The following CSMD3 variants were observed in gnomAD, a reference collection of about 807,000 sequenced individuals.
The protein encoded by CSMD3 is CUB and sushi domain-containing protein 3.
In CSMD3, 177 loss-of-function variants were observed where a neutral mutation model predicts 435.2. That is an observed-to-expected ratio of 0.41 (90% CI 0.36 to 0.46). The LOEUF (loss-of-function observed/expected upper bound fraction) is 0.46. Among genes scored for constraint, CSMD3 ranks in the 20% least tolerant of loss-of-function variants. The probability of loss-of-function intolerance (pLI) is 0.34; values close to 1 mark genes in which losing one functional copy is unlikely to be tolerated. For missense variants in CSMD3, 4,265 were observed against 4,504.6 expected (o/e 0.95, Z 1.52); for synonymous variants, 1,656 against 1,520.5 (o/e 1.09, Z -2.07).
chr8:113,379,335 A>G (rs1173148442), intron 1 of CSMD3, among the ~76,000 whole-genome samples: 1 of 152,226 alleles, frequency 6.6e-6, no homozygotes, highest in Non-Finnish European at 1.5e-5. Context: ...TGGATAACAT[A>G]ATAGTATAAA....
intron 1 of CSMD3, among the ~76,000 whole-genome samples, chr8:113,420,047 G>C (rs1370855993): frequency 6.6e-6 from 1 of 152,084 alleles, no homozygotes; most frequent in Non-Finnish European, 1.5e-5. Context: ...ATAAATTGAA[G>C]ATCTCAAATA....
chr8:112,690,325 T>C (rs1399902998), intron 13 of CSMD3, among the ~76,000 whole-genome samples: 2 of 151,988 alleles, frequency 1.3e-5, no homozygotes, highest in African/African-American at 4.8e-5. Flanking sequence ...AGAAAAATTA[T>C]GATAAGATCT....
At chr8:112,916,784 G>A (rs1424644455) in intron 10 of CSMD3, among the ~76,000 whole-genome samples, 1 of 151,844 alleles carries the variant, frequency 6.6e-6, no homozygotes, top group African/African-American at 2.4e-5. Flanking sequence ...TTCTCAAACT[G>A]TTGGTTACAA....
rs2094062579 is a variant in CSMD3, at chr8:113,335,206, C to T, written c.179-20413G>A. Among the ~76,000 whole-genome samples, 3 of 152,050 alleles carry T rather than the reference C, an allele frequency of 2.0e-5. 1 individual carries two copies. Among genetic ancestry groups the T allele is most frequent in the Admixed American group, 2.0e-4 (3 of 15,224 alleles). ...CACCATGATTTTAAGTTTCCTGAGGCCTCCCAGAAGCTGATGCTGCCGTAC... is the reference window on the plus strand; with the variant it reads ...CACCATGATTTTAAGTTTCCTGAGGTCTCCCAGAAGCTGATGCTGCCGTAC... On this transcript the variant is annotated intron_variant, in intron 1 of 70. Transcript: ENST00000297405.
At chr8:112,518,627 TGTGAGAGAGAGA>T (rs927291659) in intron 27 of CSMD3, among the ~76,000 whole-genome samples, 1 of 132,936 alleles carries the variant, frequency 7.5e-6, no homozygotes, top group Non-Finnish European at 1.6e-5. Context: ...TGTGTGTGTG[TGTGAGAGAGAGA>T]GAGAGAGAGA....
intron 10 of CSMD3, among the ~76,000 whole-genome samples, chr8:112,911,152 T>C (rs55883756): frequency 0.26 from 39,846 of 151,808 alleles, 5,490 homozygotes; most frequent in East Asian, 0.41. Context: ...TATTACTTTT[T>C]ACCTAAATTA....
At chr8:113,167,081 C>T (rs887414223) in intron 4 of CSMD3, among the ~76,000 whole-genome samples, 1 of 151,890 alleles carries the variant, frequency 6.6e-6, no homozygotes, top group African/African-American at 2.4e-5. Flanking sequence ...CAAACCAAGG[C>T]TTTTATTAGT....
chr8:112,738,061 C>T (rs1158334941), intron 13 of CSMD3, among the ~76,000 whole-genome samples: 1 of 151,688 alleles, frequency 6.6e-6, no homozygotes, highest in Non-Finnish European at 1.5e-5. Context: ...CATGTAAGCA[C>T]ACAGTGATAA....
intron 5 of CSMD3, among the ~76,000 whole-genome samples, chr8:113,029,786 C>A (rs889260561): frequency 5.9e-5 from 9 of 151,322 alleles, no homozygotes; most frequent in Admixed American, 4.6e-4. Context: ...AGCAATCAGA[C>A]AAGAGAAAGA....
At chr8:112,431,545 C>T (rs951823963) in intron 32 of CSMD3, among the ~76,000 whole-genome samples, 1 of 152,004 alleles carries the variant, frequency 6.6e-6, no homozygotes, top group Non-Finnish European at 1.5e-5. Flanking sequence ...AGGTATGGTG[C>T]GTGTCTACTG....
chr8:113,414,431 C>T lies in CSMD3; in HGVS notation c.178+22246G>A, dbSNP rs547477553. Among the ~76,000 whole-genome samples, 4 of 152,098 alleles carry T rather than the reference C, an allele frequency of 2.6e-5. No homozygotes were observed. The East Asian group carries it at 7.7e-4, about 29-fold the overall frequency. ...TAAACTTATGATTGATCTAGTCATT[C>T]TCAATGGAACGATACAGCCTGAATT... On this transcript the variant is annotated intron_variant, in intron 1 of 70. Coordinates refer to ENST00000297405, the MANE Select transcript of CSMD3 (RefSeq NM_198123.2).
At chr8:112,312,285 G>A (rs574787340) in intron 49 of CSMD3, among the ~76,000 whole-genome samples, 3 of 152,004 alleles carry the variant, frequency 2.0e-5, no homozygotes, top group Admixed American at 6.6e-5. Context: ...AAGAAGTTTC[G>A]CTCTTGTTGC....
intron 2 of CSMD3, chr8:113,309,645 A>G (rs1354830283): frequency 2.0e-5 from 3 of 152,216 alleles, no homozygotes; most frequent in Non-Finnish European, 4.4e-5. Context: ...AGTCATTACT[A>G]CACCATGACT....
At chr8:112,349,524 T>C (rs1353871690) in intron 40 of CSMD3, among the ~76,000 whole-genome samples, 2 of 152,074 alleles carry the variant, frequency 1.3e-5, no homozygotes, top group African/African-American at 2.4e-5. Context: ...AAAACATATT[T>C]ATTTTACTCT....
At chr8:113,335,729 A>G (rs2094069107) in intron 1 of CSMD3, among the ~76,000 whole-genome samples, 2 of 151,498 alleles carry the variant, frequency 1.3e-5, no homozygotes, top group African/African-American at 4.8e-5. Context: ...TGGATATTAC[A>G]ATGTTGTGAG....
Position 112,731,268 on chromosome 8 carries a change from G to T in CSMD3, c.1973-41218C>A, listed in dbSNP as rs533627933. ...TCCTTATATACTGAATTTCTGTCAT[G>T]ACTACGTCCACAAGTGATAGTCATT... is the stretch of plus-strand genomic sequence containing the variant. On this transcript the variant is annotated intron_variant, in intron 13 of 70. Transcript: ENST00000297405. 1.8e-4 allele frequency among the ~76,000 whole-genome samples: 28 copies of T among 152,198 alleles called. No individual in the cohort carries two copies. In the Middle Eastern group the frequency reaches 0.01, roughly 55 times the overall value.
intron 10 of CSMD3, among the ~76,000 whole-genome samples, chr8:112,865,900 G>T (rs2080967820): frequency 6.6e-6 from 1 of 152,058 alleles, no homozygotes; most frequent in South Asian, 2.1e-4. Flanking sequence ...TCACAACAAA[G>T]ATTTGGTTTT....
chr8:112,325,663 T>C (rs2130897767), intron 45 of CSMD3, among the ~76,000 whole-genome samples: 1 of 152,148 alleles, frequency 6.6e-6, no homozygotes, highest in East Asian at 1.9e-4. Flanking sequence ...TATACATATA[T>C]ATTACATATA....
At chr8:112,564,419 T>G (rs1392942196) in intron 24 of CSMD3, among the ~76,000 whole-genome samples, 6 of 150,344 alleles carry the variant, frequency 4.0e-5, no homozygotes, top group Admixed American at 2.7e-4. Context: ...TCCTTTCCAT[T>G]CCTTTCTTTT....
Sources: allele counts gnomAD v4.1 joint callset (sites outside exome capture counted in the v4.1 genomes callset), GRCh38; gene constraint gnomAD v4.1.1; transcripts MANE v1.5; gene names NCBI Gene and HGNC (gene_info 2026-07-23, HGNC 2026-07-21).